The following MICALL2 variants were observed in gnomAD, a reference collection of about 807,000 sequenced individuals.
The protein encoded by MICALL2 is MICAL like 2.
A neutral mutation model predicts 91.1 loss-of-function variants in MICALL2; 111 were observed. That is an observed-to-expected ratio of 1.22 (90% confidence interval 1.04 to 1.43). MICALL2 has a LOEUF of 1.43. Among genes scored for constraint, MICALL2 ranks in the 40% most tolerant of loss-of-function variants. The pLI, the probability that MICALL2 is intolerant of heterozygous loss-of-function variation, is 0.00. For synonymous variants in MICALL2, 694 were observed against 525.3 expected, an observed-to-expected ratio of 1.32 and a Z score of -4.39; for missense variants, 1,556 against 1,236.0, an observed-to-expected ratio of 1.26 and a Z score of -3.88.
chr7:1,448,427 C>G (rs989431082), intron 3 of MICALL2, among the ~76,000 whole-genome samples, 193 bp downstream of exon 3: 1 of 150,968 alleles, frequency 6.6e-6, no homozygotes, highest in Admixed American at 6.6e-5. Context: ...TGCATGGGGC[C>G]GGGGTTGGGG....
intron 5 of MICALL2, among the ~76,000 whole-genome samples, chr7:1,446,151 A>G (rs1780566242): frequency 9.1e-6 from 1 of 109,848 alleles, no homozygotes; most frequent in African/African-American, 3.7e-5. Context: ...GGGGTGGGGA[A>G]GAGGGTGAGG....
chr7:1,453,825 C>T (rs550675539), intron 1 of MICALL2, among the ~76,000 whole-genome samples: 8 of 152,306 alleles, frequency 5.3e-5, no homozygotes, highest in African/African-American at 1.4e-4. Flanking sequence ...GGCACACAGT[C>T]GGTGCCCTAT....
intron 14 of MICALL2, 71 bp downstream of exon 14, chr7:1,437,464 C>T (rs962374580): frequency 4.1e-5 from 56 of 1,363,658 alleles, no homozygotes; most frequent in East Asian, 2.4e-4. Context: ...CTCACAGAGC[C>T]GGCCCCCAGA....
At chr7:1,448,520 G>T in intron 3 of MICALL2, 100 bp downstream of exon 3, 2 of 1,115,278 alleles carry the variant, frequency 1.8e-6, no homozygotes, top group Non-Finnish European at 2.7e-6. Context: ...TCTTGGGGGG[G>T]GGGCTGGGCA....
intron 1 of MICALL2, among the ~76,000 whole-genome samples, chr7:1,458,483 G>A (rs866435115): frequency 7.2e-5 from 11 of 152,364 alleles, no homozygotes; most frequent in Middle Eastern, 6.8e-3. Context: ...GCCAAAGAGC[G>A]TTTGCTGAGT....
chr7:1,435,233 C>A, intron 15 of MICALL2, 86 bp from the exon 16 acceptor site: 3 of 1,425,530 alleles, frequency 2.1e-6, no homozygotes, highest in South Asian at 1.2e-5. Flanking sequence ...AGCAGTGGCA[C>A]CCCAGCCCTG....
rs1780659754 is a variant in MICALL2 at position 1,447,656 on chromosome 7, C to T, written c.444G>A (p.Arg148=). The T allele has an allele frequency of 6.3e-7, 1 of 1,593,764 alleles. No individual in the cohort carries two copies. The highest frequency in any genetic ancestry group is 1.1e-5 in the South Asian group (1 of 87,632). The part of the protein sequence containing the change: ...AAKLPSPAPA[R]KPPLSPAQTN... ...TCTGGGCTGGAGATAGTGGAGGCTT[C>T]CGGGCTGGGGCGGGCGAGGGCAGCT... Residue 148 remains arginine, a synonymous_variant, in exon 4 of 17, where the codon CGG becomes CGA. Transcript: ENST00000297508.
In MICALL2 at chr7:1,444,928, G is replaced by T. The variant is rs558876612; in HGVS notation, c.1142C>A (p.Ala381Asp). The T allele has an allele frequency of 1.3e-6, 2 of 1,528,644 alleles. No individual in the cohort carries two copies. Among genetic ancestry groups the T allele is most frequent in the Admixed American group, 2.0e-5 (1 of 50,706 alleles). 94.7% of individuals were successfully genotyped at this position (1,528,644 alleles called of 1,614,324 possible). Residue 381 changes from alanine to aspartate, a missense_variant, in exon 6 of 17, where the codon GCC becomes GAC. Ala to Asp is a moderately radical substitution (Grantham distance 126, BLOSUM62 -2). Transcript: ENST00000297508. ...GGTTTGAGGAGCTGCCACTCGGGGGGCTCCCCCACCCTGGGGTGTGGCCGG... is the reference window on the plus strand; with the variant it reads ...GGTTTGAGGAGCTGCCACTCGGGGGTCTCCCCCACCCTGGGGTGTGGCCGG... Reference protein sequence around the residue: ...PRPATPQGGGAPRVAAPQTTL... With the variant: ...PRPATPQGGGDPRVAAPQTTL...
intron 6 of MICALL2, among the ~76,000 whole-genome samples, chr7:1,443,560 T>C (rs948967496): frequency 3.3e-5 from 5 of 152,192 alleles, no homozygotes; most frequent in East Asian, 1.9e-4. Context: ...GTTATGATCA[T>C]GTTAAGATGC....
At position 1,440,702 on chromosome 7, in the gene MICALL2, G is replaced by A. The variant is rs1780239870; in HGVS notation, c.1712-18C>T. 1 of 1,604,034 alleles carries A rather than the reference G, an allele frequency of 6.2e-7. No homozygotes were observed. Among genetic ancestry groups the A allele is most frequent in the Non-Finnish European group, 8.5e-7 (1 of 1,174,960 alleles). Reference sequence around the variant, plus strand: ...GCTCATGTCTGGGTGGGAGGCAAGGGGTCTGGGTGTGAGGAAGGAGTGCTG... The same window carrying A: ...GCTCATGTCTGGGTGGGAGGCAAGGAGTCTGGGTGTGAGGAAGGAGTGCTG... On this transcript the variant is annotated intron_variant, in intron 7 of 16. Transcript: ENST00000297508.
intron 6 of MICALL2, among the ~76,000 whole-genome samples, chr7:1,443,576 C>T (rs1780415963): frequency 2.0e-5 from 3 of 152,168 alleles, no homozygotes; most frequent in Non-Finnish European, 1.5e-5. Context: ...GATGCACTCA[C>T]GCTGGGTTAG....
At chr7:1,438,714 C>T (rs567542002) in intron 10 of MICALL2, 126 bp downstream of exon 10, 2 of 1,489,918 alleles carry the variant, frequency 1.3e-6, no homozygotes, top group Admixed American at 2.2e-5. Flanking sequence ...TGGGTCCTTC[C>T]TCCAGGCTTT....
intron 2 of MICALL2, 127 bp from the exon 3 acceptor site, chr7:1,448,888 T>A: frequency 1.7e-6 from 2 of 1,148,180 alleles, no homozygotes; most frequent in African/African-American, 1.5e-5. Context: ...AGGCCGGAGC[T>A]GAGTTCTGCT....
chr7:1,446,675 G>C (rs910046970), intron 5 of MICALL2, 38 bp downstream of exon 5: 1 of 1,450,732 alleles, frequency 6.9e-7, no homozygotes, highest in East Asian at 2.4e-5. Flanking sequence ...TGGGAGGGGA[G>C]GTGCACACTC....
At position 1,438,088 on chromosome 7, in the gene MICALL2, G is replaced by GGCGCTCACC; in HGVS notation, c.2311_2311+8dup. 11 of 1,571,412 alleles carry GGCGCTCACC rather than the reference G, an allele frequency of 7.0e-6. No individual in the cohort carries two copies. Among genetic ancestry groups the GGCGCTCACC allele is most frequent in the Non-Finnish European group, 9.5e-6 (11 of 1,159,608 alleles). Reference sequence around the variant, plus strand: ...TCGGGCTGGCCCAGGGCCAGGCCGAGGCGCTCACCTCCCTCGGCCGCCCGC... The same window carrying GGCGCTCACC: ...TCGGGCTGGCCCAGGGCCAGGCCGAGGCGCTCACCGCGCTCACCTCCCTCGGCCGCCCGC... On this transcript the variant is annotated intron_variant, in intron 12 of 16. Coordinates refer to ENST00000297508, the MANE Select transcript of MICALL2 (RefSeq NM_182924.4).
rs570234203 is a variant in MICALL2 at position 1,448,607 on chromosome 7, G to A, written c.334+13C>T. ...TGGTCCTGCCTGGCTCGGCGGGCGCGGCAGGGACTCACTGGGGGAGCGGCC... is the reference window on the plus strand; with the variant it reads ...TGGTCCTGCCTGGCTCGGCGGGCGCAGCAGGGACTCACTGGGGGAGCGGCC... On this transcript the variant is annotated intron_variant, in intron 3 of 16. Transcript: ENST00000297508. 467 of 1,612,310 alleles carry A rather than the reference G, an allele frequency of 2.9e-4. 3 individuals are homozygous for A. Among genetic ancestry groups the A allele is most frequent in the South Asian group, 2.5e-3 (225 of 91,046 alleles).
intron 9 of MICALL2, 144 bp from the exon 10 acceptor site, chr7:1,439,139 A>C: frequency 1.5e-6 from 1 of 667,348 alleles, no homozygotes; most frequent in Non-Finnish European, 2.5e-6. Flanking sequence ...GGTTGGCATC[A>C]CAAGCCCTAC....
chr7:1,442,075 C>A (rs945377728), intron 7 of MICALL2, 117 bp downstream of exon 7: 6 of 1,179,552 alleles, frequency 5.1e-6, no homozygotes, highest in African/African-American at 1.5e-5. Flanking sequence ...AGAGATGAGA[C>A]GGAGAGGAAG....
In MICALL2 at chr7:1,447,698, A is replaced by T; in HGVS notation, c.402T>A (p.Ala134=). ...AGGGCAGCTTGGCCGCCTGGACTGGAGCCTTCTTCCCTGACGGCTCCTCCT... is the reference window on the plus strand; with the variant it reads ...AGGGCAGCTTGGCCGCCTGGACTGGTGCCTTCTTCCCTGACGGCTCCTCCT... ...DSEEEPSGKK[A]PVQAAKLPSP... is the part of the protein sequence containing the mutation. The change falls in exon 4 of 17, where the codon GCT becomes GCA. Residue 134 remains alanine, a synonymous_variant. Transcript: ENST00000297508. 1 of 1,580,108 alleles carries T rather than the reference A, an allele frequency of 6.3e-7. No individual in the cohort carries two copies. Among genetic ancestry groups the T allele is most frequent in the Non-Finnish European group, 8.6e-7 (1 of 1,163,942 alleles).
Sources: allele counts gnomAD v4.1 joint callset (sites outside exome capture counted in the v4.1 genomes callset), GRCh38; gene constraint gnomAD v4.1.1; transcripts MANE v1.5; gene names NCBI Gene and HGNC (gene_info 2026-07-23, HGNC 2026-07-21).